The following CDH18 variants were observed in gnomAD, a reference collection of about 807,000 sequenced individuals.
The protein encoded by CDH18 is cadherin-18.
A neutral mutation model predicts 67.9 loss-of-function variants in CDH18; 31 were observed. The ratio of observed to expected loss-of-function variants is 0.46; its 90% CI spans 0.34 to 0.62. The LOEUF is 0.62. Among genes scored for constraint, CDH18 ranks in the 20% least tolerant of loss-of-function variants. The probability of loss-of-function intolerance (pLI) is 0.01; values close to 1 mark genes in which losing one functional copy is unlikely to be tolerated. For missense variants in CDH18, 890 were observed against 975.5 expected (o/e 0.91, Z 1.17); for synonymous variants, 362 against 347.2 (o/e 1.04, Z -0.48).
intron 1 of CDH18, among the ~76,000 whole-genome samples, chr5:20,328,920 T>C (rs1004730581): frequency 2.7e-5 from 3 of 109,982 alleles, no homozygotes; most frequent in African/African-American, 8.1e-5. Context: ...ATGTCCAGAC[T>C]GCAATGTGAT....
chr5:19,912,186 A>T (rs566486248), intron 2 of CDH18, among the ~76,000 whole-genome samples: 50 of 152,106 alleles, frequency 3.3e-4, no homozygotes, highest in African/African-American at 7.0e-4. Flanking sequence ...ATAATAATAA[A>T]AAAAAAACAC....
intron 2 of CDH18, among the ~76,000 whole-genome samples, chr5:19,863,524 G>A (rs1057136586): frequency 3.3e-5 from 5 of 152,148 alleles, no homozygotes; most frequent in African/African-American, 1.2e-4. Flanking sequence ...TGACACAGGG[G>A]AGAGGACAGT....
rs777215230 is a variant in CDH18 at position 19,838,904 on chromosome 5, T to G, written c.83A>C (p.His28Pro). 2.5e-6 allele frequency: 4 copies of G among 1,613,910 alleles called. No homozygotes were observed. The highest frequency in any genetic ancestry group is 8.5e-7 in the Non-Finnish European group (1 of 1,179,886). ...GTTTCTCATCACCTTGATGGAGCTG[T>G]GGTGAGCAGTTCCATAACACCTCTG... Reference protein sequence around the residue: ...FVQRCYGTAHHSSIKVMRNQT... With the variant: ...FVQRCYGTAHPSSIKVMRNQT... Residue 28 changes from histidine (H) to proline (P), a missense_variant, in exon 3 of 13, where the codon CAC becomes CCC. Coordinates refer to ENST00000382275, the MANE Select transcript of CDH18 (RefSeq NM_004934.5).
At chr5:19,511,187 C>A (rs347701) in intron 10 of CDH18, among the ~76,000 whole-genome samples, 30,578 of 151,962 alleles carry the variant, frequency 0.2, 3,380 homozygotes, top group African/African-American at 0.27. Flanking sequence ...GAAGAAGGTG[C>A]CTTGCTTCCC....
chr5:20,422,023 A>G (rs568601877), intron 1 of CDH18, among the ~76,000 whole-genome samples: 29 of 151,120 alleles, frequency 1.9e-4, no homozygotes, highest in Non-Finnish European at 4.1e-4. Flanking sequence ...TTAGGGAGGC[A>G]TTTTTATAGT....
chr5:19,835,815 T>C (rs539102848), intron 3 of CDH18, among the ~76,000 whole-genome samples: 1 of 152,208 alleles, frequency 6.6e-6, no homozygotes, highest in African/African-American at 2.4e-5. Flanking sequence ...CACTTTCATG[T>C]TTGACCTTTT....
chr5:20,075,134 C>G (rs541717548), intron 2 of CDH18, among the ~76,000 whole-genome samples: 104 of 152,220 alleles, frequency 6.8e-4, no homozygotes, highest in Non-Finnish European at 1.4e-3. Flanking sequence ...TGGGTCAAAC[C>G]AAGAAGACTT....
intron 2 of CDH18, among the ~76,000 whole-genome samples, chr5:20,186,700 GTTGA>G (rs1738129590): frequency 6.6e-6 from 1 of 151,854 alleles, no homozygotes; most frequent in African/African-American, 2.4e-5. Flanking sequence ...TACATTGCTG[GTTGA>G]AGTATTAATG....
At chr5:19,636,947 TC>T (rs1016541431) in intron 5 of CDH18, among the ~76,000 whole-genome samples, 1 of 152,164 alleles carries the variant, frequency 6.6e-6, no homozygotes, top group Non-Finnish European at 1.5e-5. Context: ...TTGATTCTTC[TC>T]TTTAAGCGAG....
chr5:19,669,405 G>C (rs1758434555), intron 5 of CDH18, among the ~76,000 whole-genome samples: 1 of 151,618 alleles, frequency 6.6e-6, no homozygotes, highest in African/African-American at 2.4e-5. Flanking sequence ...TGATTCTCCT[G>C]CCTCAGCCGC....
chr5:20,318,142 T>C (rs1204511633), intron 1 of CDH18, among the ~76,000 whole-genome samples: 1 of 152,178 alleles, frequency 6.6e-6, no homozygotes, highest in Non-Finnish European at 1.5e-5. Context: ...TGGAACACTA[T>C]GGACCTCTGG....
intron 5 of CDH18, among the ~76,000 whole-genome samples, chr5:19,696,078 A>T (rs1762496900): frequency 6.6e-6 from 1 of 152,214 alleles, no homozygotes; most frequent in Non-Finnish European, 1.5e-5. Flanking sequence ...GATGGTTAAA[A>T]TATATTCATG....
intron 1 of CDH18, among the ~76,000 whole-genome samples, chr5:20,566,443 T>C (rs2126660313): frequency 6.9e-6 from 1 of 145,906 alleles, no homozygotes; most frequent in East Asian, 2.1e-4. Context: ...CACTGCAACC[T>C]CTGCCTTCCA....
chr5:19,622,199 A>G (rs764737165), intron 5 of CDH18, among the ~76,000 whole-genome samples: 45 of 152,130 alleles, frequency 3.0e-4, no homozygotes, highest in Admixed American at 3.9e-4. Context: ...AAAGGTCCGC[A>G]TTGTAGGGAA....
intron 11 of CDH18, 191 bp downstream of exon 11, chr5:19,502,801 T>C: frequency 1.7e-6 from 1 of 576,328 alleles, no homozygotes; most frequent in Non-Finnish European, 3.1e-6. Flanking sequence ...CTGAATAAAT[T>C]CAATGAAAGT....
At chr5:19,673,897 C>T (rs903204117) in intron 5 of CDH18, among the ~76,000 whole-genome samples, 5 of 151,960 alleles carry the variant, frequency 3.3e-5, no homozygotes, top group South Asian at 2.1e-4. Context: ...TGAATTCAGA[C>T]GAGGGTCCAA....
chr5:20,290,454 A>G (rs1396518982), intron 1 of CDH18, among the ~76,000 whole-genome samples: 1 of 152,196 alleles, frequency 6.6e-6, no homozygotes, highest in Non-Finnish European at 1.5e-5. Context: ...TGCCTGATGT[A>G]GTCTTGGACC....
chr5:20,494,485 T>C (rs1417846919), intron 1 of CDH18, among the ~76,000 whole-genome samples: 2 of 152,164 alleles, frequency 1.3e-5, no homozygotes, highest in African/African-American at 4.8e-5. Context: ...ATATACATAT[T>C]TTTTCTTATT....
intron 1 of CDH18, among the ~76,000 whole-genome samples, chr5:20,347,973 C>G (rs1740846024): frequency 6.6e-6 from 1 of 152,180 alleles, no homozygotes; most frequent in South Asian, 2.1e-4. Context: ...TACTCACTCT[C>G]CAATGTCTGC....
Sources: allele counts gnomAD v4.1 joint callset (sites outside exome capture counted in the v4.1 genomes callset), GRCh38; gene constraint gnomAD v4.1.1; transcripts MANE v1.5; gene names NCBI Gene and HGNC (gene_info 2026-07-23, HGNC 2026-07-21).